The following CNNM2 variants were observed in gnomAD, a reference collection of about 807,000 sequenced individuals.
The protein encoded by CNNM2 is cyclin and CBS domain divalent metal cation transport mediator 2.
In CNNM2, 12 loss-of-function variants were observed where a neutral mutation model predicts 66.9. That is an observed-to-expected ratio of 0.18 (90% confidence interval 0.11 to 0.29). The LOEUF (loss-of-function observed/expected upper bound fraction) is 0.29, where lower values mean the gene tolerates loss of function less well. Ranked by LOEUF, CNNM2 falls within the 10% of genes least tolerant of loss-of-function variation. The probability of loss-of-function intolerance (pLI) is 1.00; values close to 1 mark genes in which losing one functional copy is unlikely to be tolerated. For missense variants in CNNM2, 705 were observed against 1,167.7 expected (o/e 0.60, Z 5.77); for synonymous variants, 557 against 501.8 (o/e 1.11, Z -1.47).
rs945991167 is a variant in CNNM2, at chr10:103,086,706, G to A, written c.*9526G>A. The A allele has an allele frequency of 2.0e-5, 3 of 152,148 alleles. No individual in the cohort carries two copies. Among genetic ancestry groups the A allele is most frequent in the Admixed American group, 6.5e-5 (1 of 15,276 alleles). 9.4% of individuals were successfully genotyped at this position (152,148 alleles called of 1,614,324 possible). A position where few individuals can be genotyped will look rare whatever the true frequency, so the allele number is the denominator to read the frequency against. ...AAGGATTTGTAGTTCTATTAAAAAC[G>A]ACTTCTAAAAGTATCTTAGGGTAGC... On this transcript the variant is annotated 3_prime_UTR_variant, in exon 8 of 8. Transcript: ENST00000369878.
chr10:102,964,517 C>T (rs931421816), intron 1 of CNNM2, among the ~76,000 whole-genome samples: 14 of 152,204 alleles, frequency 9.2e-5, no homozygotes, highest in Non-Finnish European at 1.5e-4. Flanking sequence ...TCATGAGCCA[C>T]TGCGCCTGGC....
intron 1 of CNNM2, among the ~76,000 whole-genome samples, chr10:102,989,630 C>T (rs1590356932): frequency 1.3e-5 from 2 of 151,914 alleles, no homozygotes; most frequent in Admixed American, 1.3e-4. Flanking sequence ...TGGCGAAACC[C>T]GATCTCTACT....
rs2066103689 is a variant in CNNM2 at position 103,089,265 on chromosome 10, A to G, written c.*12085A>G. On this transcript the variant is annotated 3_prime_UTR_variant, in exon 8 of 8. Coordinates refer to ENST00000369878, the MANE Select transcript of CNNM2 (RefSeq NM_017649.5). Reference sequence around the variant, plus strand: ...CCATGTAATGCACTGGAAAAGTTGGACCTTGGAGTAATAGCACAATTTGTA... The same window carrying G: ...CCATGTAATGCACTGGAAAAGTTGGGCCTTGGAGTAATAGCACAATTTGTA... 4.5e-6 allele frequency: 1 copy of G among 224,690 alleles called. No individual in the cohort carries two copies. 13.9% of individuals were successfully genotyped at this position (224,690 alleles called of 1,614,324 possible).
In CNNM2 at chr10:103,083,526, TGAC is replaced by T. The variant is rs1462169014; in HGVS notation, c.*6347_*6349del. ...GGAAAGCTGGGACTGGATCTCAGCA[TGAC>T]AACATAGAAGAGCATCTTCTTTGGA... On this transcript the variant is annotated 3_prime_UTR_variant, in exon 8 of 8. Transcript: ENST00000369878. 6.6e-6 allele frequency: 1 copy of T among 152,262 alleles called. No individual in the cohort carries two copies. Among genetic ancestry groups the T allele is most frequent in the African/African-American group, 2.4e-5 (1 of 41,462 alleles). The allele number at this position is 152,262 out of a possible 1,614,324, so 9.4% of individuals were successfully genotyped here. A position where few individuals can be genotyped will look rare whatever the true frequency, so the allele number is the denominator to read the frequency against.
intron 1 of CNNM2, among the ~76,000 whole-genome samples, chr10:103,010,705 T>C (rs187738635): frequency 1.3e-5 from 2 of 152,176 alleles, no homozygotes; most frequent in African/African-American, 2.4e-5. Context: ...CTTTGCCTCC[T>C]GGGTTCAAGC....
At chr10:103,075,404 G>A (rs774944082) in intron 6 of CNNM2, among the ~76,000 whole-genome samples, 2 of 152,076 alleles carry the variant, frequency 1.3e-5, no homozygotes, top group Non-Finnish European at 2.9e-5. Context: ...ACCCAGACTG[G>A]CGCTCCTTCC....
chr10:103,049,774 T>G lies in CNNM2; in HGVS notation c.1689T>G (p.Val563=). 6.2e-7 allele frequency: 1 copy of G among 1,613,938 alleles called. No homozygotes were observed. Among genetic ancestry groups the G allele is most frequent in the Non-Finnish European group, 8.5e-7 (1 of 1,179,814 alleles). Residue 563 remains valine, a synonymous_variant, in exon 2 of 8, where the codon GTT becomes GTG. Transcript: ENST00000369878. ...GAGAAGGGGATCCATTTTATGAAGT[T>G]CTGGGAATCGTCACCTTAGAAGATG... ...NEGEGDPFYE[V]LGIVTLEDVI... is the part of the protein sequence containing the mutation.
At chr10:102,956,092 C>T (rs1847023500) in intron 1 of CNNM2, among the ~76,000 whole-genome samples, 2 of 152,040 alleles carry the variant, frequency 1.3e-5, no homozygotes, top group South Asian at 4.1e-4. Context: ...TCGAGACCAT[C>T]CTGGCTAACA....
At chr10:103,010,643 C>T (rs1462564872) in intron 1 of CNNM2, among the ~76,000 whole-genome samples, 1 of 152,056 alleles carries the variant, frequency 6.6e-6, no homozygotes, top group Non-Finnish European at 1.5e-5. Flanking sequence ...GAGACAGTCT[C>T]CCTTTTTCGC....
chr10:102,950,007 C>G (rs368142301), intron 1 of CNNM2, among the ~76,000 whole-genome samples: 2 of 152,276 alleles, frequency 1.3e-5, no homozygotes, highest in East Asian at 1.9e-4. Context: ...AGCACGACCA[C>G]TATAGAACTT....
chr10:103,004,678 G>C (rs1174177210), intron 1 of CNNM2, among the ~76,000 whole-genome samples: 1 of 152,172 alleles, frequency 6.6e-6, no homozygotes, highest in African/African-American at 2.4e-5. Flanking sequence ...AATGCCAAAT[G>C]GTTTTCCAAA....
intron 1 of CNNM2, among the ~76,000 whole-genome samples, chr10:102,959,385 A>G (rs1847162743): frequency 1.3e-5 from 2 of 152,184 alleles, no homozygotes; most frequent in African/African-American, 4.8e-5. Context: ...TCTGGTCTAT[A>G]TCTGGAATAT....
chr10:102,934,058 G>C (rs1197705777), intron 1 of CNNM2, among the ~76,000 whole-genome samples: 4 of 146,672 alleles, frequency 2.7e-5, no homozygotes, highest in African/African-American at 7.6e-5. Context: ...TGCCCAGGCT[G>C]ATCTTGAACT....
At chr10:103,042,772 G>A (rs1036714606) in intron 1 of CNNM2, among the ~76,000 whole-genome samples, 5 of 152,146 alleles carry the variant, frequency 3.3e-5, no homozygotes, top group Non-Finnish European at 5.9e-5. Flanking sequence ...TATATTTAAA[G>A]TGTATTGACT....
chr10:103,066,045 C>T (rs903793686), intron 4 of CNNM2, among the ~76,000 whole-genome samples: 5 of 152,184 alleles, frequency 3.3e-5, no homozygotes, highest in Non-Finnish European at 7.4e-5. Flanking sequence ...GGTAGGAAAG[C>T]CTCCTGCAGC....
chr10:103,001,578 TAGTCTTTTCAACAAAACAGTGTGC>T (rs1181785706), intron 1 of CNNM2, among the ~76,000 whole-genome samples: 1 of 152,222 alleles, frequency 6.6e-6, no homozygotes. Flanking sequence ...TTCATTCTCA[TAGTCTTTTCAACAAAACAGTGTGC>T]TGAGACAATT....
In CNNM2 at chr10:102,920,031, T is replaced by C; in HGVS notation, c.1551T>C (p.Phe517=). 1 of 1,614,172 alleles carries C rather than the reference T, an allele frequency of 6.2e-7. No homozygotes were observed. Among genetic ancestry groups the C allele is most frequent in the Non-Finnish European group, 8.5e-7 (1 of 1,180,034 alleles). ...CCCCCCTGAAAACCATCACCAAATT[T>C]TATAACCACCCCTTGCACTTTGTTT... ...DCTPLKTITK[F]YNHPLHFVFN... The change falls in exon 1 of 8, where the codon TTT becomes TTC. Residue 517 remains phenylalanine, a synonymous_variant. Coordinates refer to ENST00000369878, the MANE Select transcript of CNNM2 (RefSeq NM_017649.5).
At chr10:103,057,289 G>A (rs758691798) in intron 4 of CNNM2, among the ~76,000 whole-genome samples, 15 of 151,954 alleles carry the variant, frequency 9.9e-5, no homozygotes, top group Admixed American at 2.6e-4. Flanking sequence ...GCAACATGGC[G>A]AGACCACCAT....
chr10:103,012,275 A>G (rs767182113), intron 1 of CNNM2, among the ~76,000 whole-genome samples: 8 of 152,246 alleles, frequency 5.3e-5, no homozygotes, highest in Non-Finnish European at 8.8e-5. Context: ...ATGAAATTAT[A>G]TTAGTTAACA....
Sources: gnomAD v4.1 joint callset for allele counts (sites outside exome capture counted in the v4.1 genomes callset) on GRCh38, gnomAD v4.1.1 for gene constraint, MANE v1.5 for transcripts, NCBI Gene and HGNC (gene_info 2026-07-23, HGNC 2026-07-21) for gene names.